Variants in GBP3 observed in about 807,000 individuals in gnomAD.
The protein encoded by GBP3 is guanylate-binding protein 3.
Under a neutral mutation model 62.4 loss-of-function variants are expected in GBP3, and 55 were observed. The observed-to-expected ratio is 0.88, with a 90% CI of 0.71 to 1.10. The LOEUF (loss-of-function observed/expected upper bound fraction) is 1.10. Ranked by LOEUF, GBP3 falls within the 50% of genes least tolerant of loss-of-function variation. The probability of loss-of-function intolerance (pLI) is 0.00; values close to 1 mark genes in which losing one functional copy is unlikely to be tolerated. For synonymous variants in GBP3, 208 were observed against 259.2 expected, an observed-to-expected ratio of 0.80 and a Z score of 1.90; for missense variants, 605 against 690.6, an observed-to-expected ratio of 0.88 and a Z score of 1.39.
Position 89,010,701 on chromosome 1 carries a change from G to A in GBP3, c.1362+203C>T, listed in dbSNP as rs1339040247. ...GTTAGGATTACAGGCTTGAGCCACC[G>A]CACCCGCCGACTGCACTCTCTTTGA... On this transcript the variant is annotated intron_variant, in intron 8 of 10. Transcript: ENST00000370481. Among the ~76,000 whole-genome samples the A allele has an allele frequency of 2.2e-5, 3 of 138,794 alleles. 1 individual carries two copies. The allele number at this position is 138,794 out of a possible 152,430, so 91.1% of individuals were successfully genotyped here.
At chr1:89,014,722 G>A in intron 3 of GBP3, 66 bp from the exon 4 acceptor site, 11 of 1,588,284 alleles carry the variant, frequency 6.9e-6, no homozygotes, top group Non-Finnish European at 9.5e-6. Context: ...CAGAGTGACA[G>A]TAGTAAAAGT....
Position 89,009,460 on chromosome 1 carries a change from T to A in GBP3, c.1397A>T (p.Lys466Met). 3 of 1,614,186 alleles carry A rather than the reference T, an allele frequency of 1.9e-6. No homozygotes were observed. Among genetic ancestry groups the A allele is most frequent in the Non-Finnish European group, 2.5e-6 (3 of 1,180,008 alleles). Residue 466 changes from lysine (K) to methionine (M), a missense_variant, in exon 9 of 11, where the codon AAG (lysine) becomes ATG (methionine). Physicochemically the swap from Lys to Met is moderately conservative, Grantham distance 95 (BLOSUM62 -1). Transcript: ENST00000370481. The part of the protein sequence containing the change: ...EEILQTYLKS[K>M]ESVTDAILQT... ...TAGAATTGCATCGGTCACAGACTCC[T>A]TGGATTTCAAGTATGTCTGCAGAAT...
Position 89,014,203 on chromosome 1 carries a change from A to G in GBP3, c.505T>C (p.Phe169Leu). The G allele has an allele frequency of 6.2e-7, 1 of 1,614,240 alleles. No individual in the cohort carries two copies. The highest frequency in any genetic ancestry group is 8.5e-7 in the Non-Finnish European group (1 of 1,180,036). ...DENENEDSADFVSFFPDFVWT... is the reference protein window; with the variant it reads ...DENENEDSADLVSFFPDFVWT... ...ACAAAATCTGGGAAGAAGCTCACAA[A>G]GTCAGCTGAATCCTCATTCTCATTC... The change falls in exon 5 of 11, where the codon TTT (phenylalanine) becomes CTT (leucine). Residue 169 changes from phenylalanine to leucine, a missense_variant. Around this residue, in one of 3 missense-constraint regions of GBP3, gnomAD observed 308 missense variants for 318.0 expected, o/e 0.97. Transcript: ENST00000370481.
Position 89,009,007 on chromosome 1 carries a change from C to T in GBP3, c.1599G>A (p.Met533Ile), listed in dbSNP as rs1461567335. 1 of 1,614,206 alleles carries T rather than the reference C, an allele frequency of 6.2e-7. No individual in the cohort carries two copies. Residue 533 changes from methionine to isoleucine, a missense_variant, in exon 10 of 11, where the codon ATG becomes ATA. Physicochemically the swap from Met to Ile is conservative, Grantham distance 10 (BLOSUM62 1). Transcript: ENST00000370481. Reference sequence around the variant, plus strand: ...CCAGCAACTGGGCCCTCTCCCTCTCCATCTTCTCAGTCAATTGTTTCACAT... The same window carrying T: ...CCAGCAACTGGGCCCTCTCCCTCTCTATCTTCTCAGTCAATTGTTTCACAT... ...QEHVKQLTEK[M>I]ERERAQLLEE... is the part of the protein sequence containing the mutation.
At chr1:89,013,863 A>G in intron 5 of GBP3, 2 of 520,176 alleles carry the variant, frequency 3.8e-6, no homozygotes, top group East Asian at 3.2e-5. Context: ...AATATAATTT[A>G]AAATCTAATC....
rs1678783484 is a variant in GBP3 at position 89,014,621 on chromosome 1, C to T, written c.354G>A (p.Leu118=). ...DNQNDSWIFT[L]AVLLSSTLVY... ...CGAGAGTGCTGCTCAGGAGGACGGC[C>T]AGGGTGAAGATCCAGGAGTCATTCT... is the stretch of plus-strand genomic sequence containing the variant. Residue 118 remains leucine, a synonymous_variant, in exon 4 of 11, where the codon CTG becomes CTA. Coordinates refer to ENST00000370481, the MANE Select transcript of GBP3 (RefSeq NM_018284.3). 2 of 1,614,052 alleles carry T rather than the reference C, an allele frequency of 1.2e-6. No homozygotes were observed. The highest frequency in any genetic ancestry group is 1.7e-6 in the Non-Finnish European group (2 of 1,179,988).
chr1:89,021,499 TGC>T lies in GBP3; in HGVS notation c.-22-758_-22-757del, dbSNP rs143944083. Reference sequence around the variant, plus strand: ...ACTGAATGTTGCTAAGAAACACGCATGCGCGCGCGCGCACACACACACACACA... The same window carrying T: ...ACTGAATGTTGCTAAGAAACACGCATGCGCGCGCGCACACACACACACACA... On this transcript the variant is annotated intron_variant, in intron 1 of 10. Transcript: ENST00000370481. 1.0e-3 allele frequency among the ~76,000 whole-genome samples: 119 copies of T among 119,114 alleles called. 1 individual carries two copies. Among genetic ancestry groups the T allele is most frequent in the South Asian group, 6.0e-3 (20 of 3,320 alleles). The allele number at this position is 119,114 out of a possible 152,430, so 78.1% of individuals were successfully genotyped here. A position where few individuals can be genotyped will look rare whatever the true frequency, so the allele number is the denominator to read the frequency against.
At position 89,014,233 on chromosome 1, in the gene GBP3, C is replaced by G. The variant is rs533562950; in HGVS notation, c.475G>C (p.Asp159His). The G allele has an allele frequency of 1.9e-6, 3 of 1,614,154 alleles. No individual in the cohort carries two copies. The Admixed American group carries it at 5.0e-5, about 27-fold the overall frequency. The change falls in exon 5 of 11, where the codon GAT becomes CAT. Residue 159 changes from aspartate to histidine, a missense_variant. Physicochemically the swap from Asp to His is moderately conservative, Grantham distance 81. Transcript: ENST00000370481. ...GCTGAATCCTCATTCTCATTCTCAT[C>G]AGGTGAGGATTTTGATCGGATTCGA... ...THRIRSKSSPDENENEDSADF... is the reference protein window; with the variant it reads ...THRIRSKSSPHENENEDSADF...
chr1:89,018,896 G>A (rs1290493985), intron 2 of GBP3, among the ~76,000 whole-genome samples: 3 of 152,208 alleles, frequency 2.0e-5, no homozygotes, highest in East Asian at 1.9e-4. Context: ...CGACCTGCCG[G>A]TCTGCCTGGG....
At position 89,007,425 on chromosome 1, in the gene GBP3, C is replaced by A; in HGVS notation, c.*299G>T. The A allele has an allele frequency of 3.9e-6, 1 of 258,884 alleles. No homozygotes were observed. The highest frequency in any genetic ancestry group is 7.4e-6 in the Non-Finnish European group (1 of 135,652). 16.0% of individuals were successfully genotyped at this position (258,884 alleles called of 1,614,324 possible). On this transcript the variant is annotated 3_prime_UTR_variant, in exon 11 of 11. Coordinates refer to ENST00000370481, the MANE Select transcript of GBP3 (RefSeq NM_018284.3). ...GGCCAAACCAGTGCCCAAATATGTC[C>A]CAAGATTTTTACCTAAGACTTTCCT...
chr1:89,020,101 TG>T, intron 2 of GBP3: 1 of 262,362 alleles, frequency 3.8e-6, no homozygotes, highest in Non-Finnish European at 7.8e-6. Flanking sequence ...TAGCTGGGTG[TG>T]GTGGCATGCA....
rs111874840 is a variant in GBP3 at position 89,012,820 on chromosome 1, T to C, written c.868+365A>G. Among the ~76,000 whole-genome samples the C allele has an allele frequency of 2.3e-3, 319 of 138,020 alleles. 19 individuals are homozygous for C. Among genetic ancestry groups the C allele is most frequent in the African/African-American group, 6.5e-3 (263 of 40,458 alleles). 90.5% of individuals were successfully genotyped at this position (138,020 alleles called of 152,430 possible). On this transcript the variant is annotated intron_variant, in intron 6 of 10. Transcript: ENST00000370481. ...GTAGCAGTAGATTGGGATTTTTCAA[T>C]GCTGATACTAGGTGGAGTTATTCTA...
rs756816535 is a variant in GBP3 at position 89,012,358 on chromosome 1, T to C, written c.869-331A>G. Reference sequence around the variant, plus strand: ...GAAAGGAACCCATAGCTATTCCATATATGACTGTATCCTCAGCTTATTCAC... The same window carrying C: ...GAAAGGAACCCATAGCTATTCCATACATGACTGTATCCTCAGCTTATTCAC... On this transcript the variant is annotated intron_variant, in intron 6 of 10. Coordinates refer to ENST00000370481, the MANE Select transcript of GBP3 (RefSeq NM_018284.3). 5.7e-5 allele frequency among the ~76,000 whole-genome samples: 8 copies of C among 139,174 alleles called. 2 individuals carry two copies. The highest frequency in any genetic ancestry group is 5.2e-4 in the Admixed American group (7 of 13,568). The allele number at this position is 139,174 out of a possible 152,430, so 91.3% of individuals were successfully genotyped here. A position where few individuals can be genotyped will look rare whatever the true frequency, so the allele number is the denominator to read the frequency against.
rs140077925 is a variant in GBP3, at chr1:89,015,987, A to G, written c.191-573T>C. 5.3e-5 allele frequency among the ~76,000 whole-genome samples: 8 copies of G among 152,300 alleles called. No individual in the cohort carries two copies. In the East Asian group the frequency reaches 1.5e-3, roughly 29 times the overall value. The stretch of plus-strand genomic sequence containing the variant: ...GGAAACAGAAAGCATCTAAATTGGA[A>G]AGGAAGATGTAAAATAATCTCTATT... On this transcript the variant is annotated intron_variant, in intron 2 of 10. Coordinates refer to ENST00000370481, the MANE Select transcript of GBP3 (RefSeq NM_018284.3).
chr1:89,018,368 G>C (rs1679000077), intron 2 of GBP3, among the ~76,000 whole-genome samples: 1 of 152,150 alleles, frequency 6.6e-6, no homozygotes, highest in South Asian at 2.1e-4. Flanking sequence ...TGTGGAGAGA[G>C]GGGGCACCTG....
At chr1:89,010,840 C>A in intron 8 of GBP3, 64 bp downstream of exon 8, 1 of 1,458,070 alleles carries the variant, frequency 6.9e-7, no homozygotes, top group South Asian at 1.2e-5. Flanking sequence ...GAAGCTTGGT[C>A]ACTTTGGTGT....
chr1:89,009,350 G>GAA, intron 9 of GBP3, 42 bp downstream of exon 9: 1 of 1,574,258 alleles, frequency 6.4e-7, no homozygotes, highest in Non-Finnish European at 8.6e-7. Context: ...TTTAAAATTT[G>GAA]AAAAGCTTTA....
Position 89,011,677 on chromosome 1 carries a change from C to G in GBP3, c.1149+70G>C, listed in dbSNP as rs1557725273. On this transcript the variant is annotated intron_variant, in intron 7 of 10. Coordinates refer to ENST00000370481, the MANE Select transcript of GBP3 (RefSeq NM_018284.3). ...ATAATTATTTGTCTCAAAATAAATA[C>G]CAATTTCATTTCTTAGTAGTACTTT... The G allele has an allele frequency of 1.4e-6, 2 of 1,396,766 alleles. 1 individual carries two copies. The highest frequency in any genetic ancestry group is 2.0e-6 in the Non-Finnish European group (2 of 1,007,196). 86.5% of individuals were successfully genotyped at this position (1,396,766 alleles called of 1,614,324 possible).
rs949653249 is a variant in GBP3, at chr1:89,007,401, G to A, written c.*323C>T. 2.1e-5 allele frequency: 5 copies of A among 234,190 alleles called. No homozygotes were observed. The highest frequency in any genetic ancestry group is 4.6e-5 in the African/African-American group (2 of 43,248). 14.5% of individuals were successfully genotyped at this position (234,190 alleles called of 1,614,324 possible). The stretch of plus-strand genomic sequence containing the variant: ...GATATTGGGACCCATTGTACACTTG[G>A]CCAAACCAGTGCCCAAATATGTCCC... On this transcript the variant is annotated 3_prime_UTR_variant, in exon 11 of 11. Coordinates refer to ENST00000370481, the MANE Select transcript of GBP3 (RefSeq NM_018284.3).
Sources: gnomAD v4.1 joint callset for allele counts (sites outside exome capture counted in the v4.1 genomes callset) on GRCh38, gnomAD v4.1.1 for gene constraint, gnomAD v4.1.1 regional missense constraint, MANE v1.5 for transcripts, NCBI Gene and HGNC (gene_info 2026-07-23, HGNC 2026-07-21) for gene names.